Variants in FAT3 observed in about 807,000 individuals in gnomAD.
FAT3 encodes the protein FAT atypical cadherin 3.
In FAT3, 95 loss-of-function variants were observed where a neutral mutation model predicts 310.2. The ratio of observed to expected loss-of-function variants is 0.31; its 90% CI spans 0.26 to 0.36. The LOEUF (loss-of-function observed/expected upper bound fraction) is 0.36, where lower values mean the gene tolerates loss of function less well. Among genes scored for constraint, FAT3 ranks in the 10% least tolerant of loss-of-function variants. FAT3 has a pLI of 1.00. For synonymous variants in FAT3, 2,314 were observed against 2,192.9 expected (o/e 1.06, Z -1.54); for missense variants, 5,408 against 5,715.6 (o/e 0.95, Z 1.74).
In FAT3 at chr11:92,806,529, T is replaced by G; in HGVS notation, c.9247+14T>G. 6.5e-7 allele frequency: 1 copy of G among 1,534,598 alleles called. No homozygotes were observed. Among genetic ancestry groups the G allele is most frequent in the Non-Finnish European group, 8.8e-7 (1 of 1,136,996 alleles). ...ATCCAGAAAGTGGTAAGCTAAAATT[T>G]ATTATTGAGATAAATGTCATTGTTA... On this transcript the variant is annotated intron_variant, in intron 12 of 27. Coordinates refer to ENST00000525166, the MANE Select transcript of FAT3 (RefSeq NM_001367949.2).
chr11:92,590,350 A>G (rs1354055663), intron 3 of FAT3, among the ~76,000 whole-genome samples: 2 of 152,150 alleles, frequency 1.3e-5, no homozygotes, highest in East Asian at 3.9e-4. Flanking sequence ...TCTGACAGAA[A>G]GAAGGGCTGA....
intron 4 of FAT3, among the ~76,000 whole-genome samples, chr11:92,737,529 G>T (rs549925607): frequency 2.0e-5 from 3 of 152,100 alleles, no homozygotes; most frequent in Admixed American, 6.6e-5. Context: ...ACGTGTGTGT[G>T]TGTGTGTCTG....
At chr11:92,692,261 TA>T (rs1943817863) in intron 3 of FAT3, among the ~76,000 whole-genome samples, 5 of 152,192 alleles carry the variant, frequency 3.3e-5, no homozygotes, top group Admixed American at 2.6e-4. Flanking sequence ...CTCTGTATAA[TA>T]AAATAACATT....
At chr11:92,889,923 T>C (rs1457895526) in intron 27 of FAT3, 32 bp downstream of exon 27, 1 of 717,890 alleles carries the variant, frequency 1.4e-6, no homozygotes, top group African/African-American at 1.7e-5. Context: ...CATAACTTTT[T>C]GTGTGTTTGT....
At chr11:92,882,176 G>A (rs1351335941) in intron 23 of FAT3, among the ~76,000 whole-genome samples, 1 of 152,154 alleles carries the variant, frequency 6.6e-6, no homozygotes, top group Non-Finnish European at 1.5e-5. Context: ...CTGTTTTGAG[G>A]CTCTTTCTAC....
intron 17 of FAT3, among the ~76,000 whole-genome samples, chr11:92,839,043 A>G (rs1042375650): frequency 2.6e-5 from 4 of 152,094 alleles, no homozygotes; most frequent in African/African-American, 9.7e-5. Flanking sequence ...CTTCTCCATG[A>G]CTGTTGCTCA....
intron 2 of FAT3, among the ~76,000 whole-genome samples, chr11:92,432,240 AT>A (rs1950803572): frequency 1.3e-5 from 2 of 151,968 alleles, no homozygotes; most frequent in Admixed American, 1.3e-4. Context: ...ATTCCTAGGT[AT>A]TTTATTCTCT....
intron 2 of FAT3, among the ~76,000 whole-genome samples, chr11:92,493,170 A>G (rs943687968): frequency 2.0e-5 from 3 of 152,116 alleles, no homozygotes. Flanking sequence ...ACCATTCTCC[A>G]GAAATGAATA....
At position 92,859,292 on chromosome 11, in the gene FAT3, C is replaced by T; in HGVS notation, c.11628C>T (p.Tyr3876=). ...RTLQSNGIIM[Y]TRANPCIILK... ...TGCAAAGCAATGGGATTATAATGTA[C>T]ACCAGAGCAAATCCCTGCATAATTC... Residue 3876 remains tyrosine (Y), a synonymous_variant, in exon 21 of 28, where the codon TAC becomes TAT. Transcript: ENST00000525166. 2 of 1,611,068 alleles carry T rather than the reference C, an allele frequency of 1.2e-6. No homozygotes were observed. The highest frequency in any genetic ancestry group is 2.2e-5 in the East Asian group (1 of 44,832).
intron 1 of FAT3, among the ~76,000 whole-genome samples, chr11:92,298,542 C>T (rs983296200): frequency 2.0e-5 from 3 of 152,084 alleles, no homozygotes; most frequent in African/African-American, 7.2e-5. Context: ...ATAATAGCAG[C>T]ATAAAGGAAG....
chr11:92,681,105 T>A (rs1286929542), intron 3 of FAT3, among the ~76,000 whole-genome samples: 1 of 152,254 alleles, frequency 6.6e-6, no homozygotes, highest in African/African-American at 2.4e-5. Context: ...GAGGGCCTAG[T>A]ATGTGCCACA....
At chr11:92,742,664 T>C (rs1430789530) in intron 4 of FAT3, among the ~76,000 whole-genome samples, 1 of 152,214 alleles carries the variant, frequency 6.6e-6, no homozygotes, top group Non-Finnish European at 1.5e-5. Context: ...CTTGCTTTTG[T>C]CCTTCCACCT....
intron 2 of FAT3, among the ~76,000 whole-genome samples, chr11:92,397,855 A>G (rs1949911322): frequency 6.6e-6 from 1 of 151,836 alleles, no homozygotes; most frequent in Non-Finnish European, 1.5e-5. Context: ...TATTTTACAA[A>G]CTTTTTTTGA....
chr11:92,458,299 C>A (rs774586955), intron 2 of FAT3, among the ~76,000 whole-genome samples: 15 of 152,148 alleles, frequency 9.9e-5, no homozygotes, highest in Non-Finnish European at 1.8e-4. Context: ...GCCCATTAAT[C>A]TGTATTTGGA....
At position 92,887,018 on chromosome 11, in the gene FAT3, C is replaced by CG. The variant is rs1565680705; in HGVS notation, c.12959dup (p.Glu4321ArgfsTer8). ...CATGAAGACAAAGGGGTTGATGACC[C>CG]GGGAGAAGTGACCTGCTTTGCAGGT... On this transcript the variant is annotated frameshift_variant, in exon 25 of 28. Transcript: ENST00000525166. LOFTEE classifies it high-confidence loss of function. The CG allele has an allele frequency of 6.2e-7, 1 of 1,606,860 alleles. No individual in the cohort carries two copies. Among genetic ancestry groups the CG allele is most frequent in the Non-Finnish European group, 8.5e-7 (1 of 1,176,996 alleles).
At chr11:92,508,503 T>C (rs1050911756) in intron 2 of FAT3, among the ~76,000 whole-genome samples, 2 of 152,176 alleles carry the variant, frequency 1.3e-5, no homozygotes, top group Admixed American at 6.6e-5. Context: ...GAAAAAGTTA[T>C]CTGAAAAGGA....
chr11:92,245,329 C>T (rs762049811), intron 1 of FAT3, among the ~76,000 whole-genome samples: 27 of 146,104 alleles, frequency 1.8e-4, no homozygotes, highest in Admixed American at 9.6e-4. Context: ...TATCACATAC[C>T]GGGGCCTGTC....
intron 3 of FAT3, among the ~76,000 whole-genome samples, chr11:92,553,673 G>GT (rs1288402993): frequency 0.13 from 2,226 of 17,258 alleles, 64 homozygotes; most frequent in Middle Eastern, 0.25. Flanking sequence ...TAGAATCTCC[G>GT]TCCCTTCCTT....
At chr11:92,323,592 T>C (rs1221240434) in intron 1 of FAT3, among the ~76,000 whole-genome samples, 3 of 151,210 alleles carry the variant, frequency 2.0e-5, no homozygotes, top group South Asian at 2.1e-4. Flanking sequence ...TTTCTTTTTT[T>C]TTTTTTTTTC....
Sources: gnomAD v4.1 joint callset for allele counts (sites outside exome capture counted in the v4.1 genomes callset) on GRCh38, gnomAD v4.1.1 for gene constraint, MANE v1.5 for transcripts, NCBI Gene and HGNC (gene_info 2026-07-23, HGNC 2026-07-21) for gene names.